CCNJL: variants seen among roughly 807,000 people sequenced by gnomAD.
CCNJL encodes the protein cyclin J like.
In CCNJL, 33 loss-of-function variants were observed where a neutral mutation model predicts 33.4. That is an observed-to-expected ratio of 0.99 (90% confidence interval 0.75 to 1.32). The LOEUF (loss-of-function observed/expected upper bound fraction) is 1.32. CCNJL is among the 40% of genes most tolerant of loss of function. CCNJL has a pLI of 0.00. For missense variants in CCNJL, 512 were observed against 499.7 expected (o/e 1.02, Z -0.23); for synonymous variants, 227 against 220.9 (o/e 1.03, Z -0.24).
rs113060117 is a variant in CCNJL, at chr5:160,253,735, G to T, written c.807C>A (p.Pro269=). The T allele has an allele frequency of 5.1e-6, 8 of 1,567,332 alleles. No homozygotes were observed. The East Asian group carries it at 1.4e-4, about 27-fold the overall frequency. ...CTTGAGTGGGGGTGGGGGGTGTGCC[G>T]GGCACCATTGCCAAGGCCTGGCTCT... is the stretch of plus-strand genomic sequence containing the variant. The part of the protein sequence containing the change: ...AVKSQALAMV[P]GTPPTPTQVL... Residue 269 remains proline, a synonymous_variant, in exon 6 of 6, where the codon CCC becomes CCA. Transcript: ENST00000257536.
chr5:160,280,041 T>G (rs75074700), intron 3 of CCNJL, among the ~76,000 whole-genome samples: 20,592 of 152,172 alleles, frequency 0.14, 1,755 homozygotes, highest in East Asian at 0.31. Flanking sequence ...TGGGTCCTGC[T>G]TAGGTCCAAA....
At chr5:160,334,682 C>G (rs572816965) in intron 1 of CCNJL, among the ~76,000 whole-genome samples, 49 of 152,222 alleles carry the variant, frequency 3.2e-4, no homozygotes, top group Non-Finnish European at 6.2e-4. Context: ...ACTGGCCTCT[C>G]GGGATCCATG....
intron 2 of CCNJL, among the ~76,000 whole-genome samples, chr5:160,300,968 C>A (rs1762901842): frequency 6.6e-6 from 1 of 152,174 alleles, no homozygotes; most frequent in African/African-American, 2.4e-5. Flanking sequence ...TATACTAGCG[C>A]AATCTTGTGG....
In CCNJL at chr5:160,267,111, G is replaced by A. The variant is rs996524440; in HGVS notation, c.281-7340C>T. On this transcript the variant is annotated intron_variant, in intron 3 of 5. Transcript: ENST00000257536. The stretch of plus-strand genomic sequence containing the variant: ...ACCAGGATGTGAGCTCTGGGAGGGC[G>A]GGGAGCTTCGTTTGGCATTTGGTTC... Among the ~76,000 whole-genome samples the A allele has an allele frequency of 3.9e-5, 6 of 152,316 alleles. 1 individual carries two copies. The South Asian group carries it at 1.0e-3, about 26-fold the overall frequency.
At chr5:160,298,462 G>A (rs1488092184) in intron 2 of CCNJL, among the ~76,000 whole-genome samples, 1 of 152,212 alleles carries the variant, frequency 6.6e-6, no homozygotes, top group African/African-American at 2.4e-5. Flanking sequence ...AGCAAATCCT[G>A]ATGGAGGGAC....
chr5:160,269,918 T>G (rs948704083), intron 3 of CCNJL, among the ~76,000 whole-genome samples: 5 of 152,222 alleles, frequency 3.3e-5, no homozygotes, highest in South Asian at 2.1e-4. Context: ...GGGCCTCGGA[T>G]TCTTCCTCTG....
chr5:160,259,525 T>C lies in CCNJL; in HGVS notation c.527A>G (p.Lys176Arg). ...ATACTCCTTGAGGCACTCTTTGGTC[T>C]TGCGGGGGCAGGTGGTGGGCCAGGT... ...CHTWPTTCPR[K>R]TKECLKEYAH... Residue 176 changes from lysine to arginine, a missense_variant, in exon 4 of 6, where the codon AAG becomes AGG. By Grantham distance (26) the Lys-to-Arg change is conservative. Transcript: ENST00000257536. 1 of 1,614,174 alleles carries C rather than the reference T, an allele frequency of 6.2e-7. No individual in the cohort carries two copies. Among genetic ancestry groups the C allele is most frequent in the East Asian group, 2.2e-5 (1 of 44,884 alleles).
chr5:160,288,230 T>A (rs1285989315), intron 2 of CCNJL, among the ~76,000 whole-genome samples: 2 of 151,708 alleles, frequency 1.3e-5, no homozygotes, highest in Non-Finnish European at 2.9e-5. Flanking sequence ...AGATCTTGCA[T>A]TTTCACGATC....
At chr5:160,265,220 A>G (rs1316041837) in intron 3 of CCNJL, among the ~76,000 whole-genome samples, 1 of 152,220 alleles carries the variant, frequency 6.6e-6, no homozygotes, top group Non-Finnish European at 1.5e-5. Context: ...CTACTGATGG[A>G]CCCATTCAGG....
At position 160,251,328 on chromosome 5, in the gene CCNJL, A is replaced by C. The variant is rs957576579; in HGVS notation, c.*2050T>G. 2 of 152,234 alleles carry C rather than the reference A, an allele frequency of 1.3e-5. No individual in the cohort carries two copies. Among genetic ancestry groups the C allele is most frequent in the Admixed American group, 1.3e-4 (2 of 15,282 alleles). 9.4% of individuals were successfully genotyped at this position (152,234 alleles called of 1,614,324 possible). On this transcript the variant is annotated 3_prime_UTR_variant, in exon 6 of 6. Transcript: ENST00000257536. ...TTACCTGAATTTCCAGCCTGCTGAC[A>C]TGCCCCACAAATTTTAGACCACAGC...
Position 160,255,686 on chromosome 5 carries a change from C to T in CCNJL, c.606G>A (p.Gln202=), listed in dbSNP as rs772454416. Residue 202 remains glutamine, a synonymous_variant, in exon 5 of 6, where the codon CAG becomes CAA. Coordinates refer to ENST00000257536, the MANE Select transcript of CCNJL (RefSeq NM_001308173.3). ...CACAGGCCGCAGCGACCACAGAAGGCTGGAATTTGTAGAATATGTGATCTG... is the reference window on the plus strand; with the variant it reads ...CACAGGCCGCAGCGACCACAGAAGGTTGGAATTTGTAGAATATGTGATCTG... The part of the protein sequence containing the change: ...TLQDHIFYKF[Q]PSVVAAACVG... The T allele has an allele frequency of 3.7e-6, 6 of 1,613,818 alleles. No individual in the cohort carries two copies. Among genetic ancestry groups the T allele is most frequent in the Non-Finnish European group, 5.1e-6 (6 of 1,180,032 alleles).
At chr5:160,337,658 C>T (rs1208213681) in intron 1 of CCNJL, among the ~76,000 whole-genome samples, 1 of 152,076 alleles carries the variant, frequency 6.6e-6, no homozygotes, top group African/African-American at 2.4e-5. Flanking sequence ...TGGTAGAGCT[C>T]CTTCCAACAA....
At chr5:160,313,140 T>G (rs1047026726), upstream of CCNJL, among the ~76,000 whole-genome samples, 2 of 152,186 alleles carry the variant, frequency 1.3e-5, no homozygotes, top group African/African-American at 4.8e-5. Context: ...ATGCCTCACA[T>G]TGGAGGAAAA....
At chr5:160,275,036 T>C (rs1761962094) in intron 3 of CCNJL, among the ~76,000 whole-genome samples, 1 of 151,586 alleles carries the variant, frequency 6.6e-6, no homozygotes, top group South Asian at 2.1e-4. Context: ...TAAATGAAAA[T>C]AAATTTTCCC....
chr5:160,259,382 T>G (rs41275309), intron 4 of CCNJL, 87 bp downstream of exon 4: 3 of 1,216,778 alleles, frequency 2.5e-6, no homozygotes, highest in African/African-American at 3.0e-5. Flanking sequence ...CTGATCTGGA[T>G]GGACATGCCT....
intron 2 of CCNJL, among the ~76,000 whole-genome samples, chr5:160,299,688 C>T (rs1762864448): frequency 6.6e-6 from 1 of 151,050 alleles, no homozygotes; most frequent in African/African-American, 2.4e-5. Context: ...GCAGATGAAA[C>T]AGGTGAGGAA....
intron 1 of CCNJL, among the ~76,000 whole-genome samples, chr5:160,324,344 A>G (rs1763509477): frequency 6.6e-6 from 1 of 152,150 alleles, no homozygotes; most frequent in Non-Finnish European, 1.5e-5. Context: ...AGGCCGAGGC[A>G]GGCGGATCAC....
At chr5:160,257,465 C>A (rs928583829) in intron 4 of CCNJL, among the ~76,000 whole-genome samples, 68 of 151,630 alleles carry the variant, frequency 4.5e-4, no homozygotes, top group African/African-American at 1.6e-3. Context: ...ACAGAGCAAG[C>A]CTCCGTCTCA....
chr5:160,271,610 C>G (rs1761836730), intron 3 of CCNJL, among the ~76,000 whole-genome samples: 1 of 152,224 alleles, frequency 6.6e-6, no homozygotes, highest in Admixed American at 6.5e-5. Context: ...ATTCGAGCCC[C>G]GTGCCCAGAT....
Sources: gnomAD v4.1 joint callset for allele counts (sites outside exome capture counted in the v4.1 genomes callset) on GRCh38, gnomAD v4.1.1 for gene constraint, MANE v1.5 for transcripts, NCBI Gene and HGNC (gene_info 2026-07-23, HGNC 2026-07-21) for gene names.